The following GABRB2 variants were observed in gnomAD, a reference collection of about 807,000 sequenced individuals.
The protein encoded by GABRB2 is gamma-aminobutyric acid receptor subunit beta-2.
Under a neutral mutation model 54.7 loss-of-function variants are expected in GABRB2, and 16 were observed. The ratio of observed to expected loss-of-function variants is 0.29; its 90% CI spans 0.20 to 0.44. The LOEUF (loss-of-function observed/expected upper bound fraction) is 0.44, where lower values mean the gene tolerates loss of function less well. Among genes scored for constraint, GABRB2 ranks in the 20% least tolerant of loss-of-function variants. The probability of loss-of-function intolerance (pLI) is 1.00; values close to 1 mark genes in which losing one functional copy is unlikely to be tolerated. For missense variants in GABRB2, 355 were observed against 644.0 expected (o/e 0.55, Z 4.86); for synonymous variants, 244 against 233.8 (o/e 1.04, Z -0.40).
intron 8 of GABRB2, 111 bp downstream of exon 8, chr5:161,330,772 T>C: frequency 6.8e-7 from 1 of 1,466,072 alleles, no homozygotes; most frequent in Non-Finnish European, 9.3e-7. Flanking sequence ...AAATTACCCA[T>C]TCTCTTCCCT....
At chr5:161,398,681 TG>T (rs2113070293) in intron 5 of GABRB2, among the ~76,000 whole-genome samples, 1 of 151,792 alleles carries the variant, frequency 6.6e-6, no homozygotes, top group African/African-American at 2.4e-5. Flanking sequence ...TTTTTTTTGT[TG>T]TTGTTGTTTT....
chr5:161,528,767 T>A (rs562072036), intron 3 of GABRB2, among the ~76,000 whole-genome samples: 2 of 152,020 alleles, frequency 1.3e-5, no homozygotes, highest in Admixed American at 1.3e-4. Context: ...TTAATTTTTA[T>A]TAATCCAGTT....
chr5:161,295,768 T>C (rs1347566300), intron 9 of GABRB2, among the ~76,000 whole-genome samples: 2 of 149,098 alleles, frequency 1.3e-5, no homozygotes, highest in Admixed American at 1.3e-4. Flanking sequence ...GACATAATAA[T>C]TGACCAATTA....
intron 5 of GABRB2, among the ~76,000 whole-genome samples, chr5:161,389,765 G>C (rs1459793818): frequency 1.3e-5 from 2 of 151,776 alleles, no homozygotes; most frequent in Non-Finnish European, 2.9e-5. Flanking sequence ...AAACCTCTAG[G>C]ATACATCTCA....
intron 9 of GABRB2, among the ~76,000 whole-genome samples, chr5:161,313,376 G>A (rs908448819): frequency 2.0e-5 from 3 of 151,596 alleles, no homozygotes; most frequent in Non-Finnish European, 2.9e-5. Context: ...TCCCCACTAC[G>A]TTTTTTTCAG....
At chr5:161,327,041 GACACACAC>G (rs150178203) in intron 8 of GABRB2, 42 of 495,776 alleles carry the variant, frequency 8.5e-5, no homozygotes, top group African/African-American at 3.3e-4. Flanking sequence ...ATTCCATTAG[GACACACAC>G]ACACACACAC....
Position 161,326,372 on chromosome 5 carries a change from T to G in GABRB2, c.1187A>C (p.Tyr396Ser). 1 of 1,613,474 alleles carries G rather than the reference T, an allele frequency of 6.2e-7. No individual in the cohort carries two copies. The highest frequency in any genetic ancestry group is 8.5e-7 in the Non-Finnish European group (1 of 1,179,538). The change falls in exon 9 of 10, where the codon TAT becomes TCT. Residue 396 changes from tyrosine (Y) to serine (S), a missense_variant. Physicochemically the swap from Tyr to Ser is moderately radical, Grantham distance 144 (BLOSUM62 -2). Transcript: ENST00000393959. ...RRTTNYDFSL[Y>S]TMDPHENILL... ...ATTAAAAACTGGCTATCTAACCGTATACAGAGAGAAATCGTAATTGGTAGT... is the reference window on the plus strand; with the variant it reads ...ATTAAAAACTGGCTATCTAACCGTAGACAGAGAGAAATCGTAATTGGTAGT...
intron 8 of GABRB2, 83 bp from the exon 9 acceptor site, chr5:161,326,564 A>G: frequency 2.1e-6 from 3 of 1,456,482 alleles, no homozygotes; most frequent in Non-Finnish European, 2.7e-6. Flanking sequence ...AATTGGATAT[A>G]GATAAATGCT....
chr5:161,448,375 A>C (rs1757695188), intron 4 of GABRB2, among the ~76,000 whole-genome samples: 1 of 152,106 alleles, frequency 6.6e-6, no homozygotes, highest in African/African-American at 2.4e-5. Context: ...CTGAACTATG[A>C]GAACACCAGA....
At chr5:161,299,256 C>T (rs1757468080) in intron 9 of GABRB2, among the ~76,000 whole-genome samples, 2 of 152,338 alleles carry the variant, frequency 1.3e-5, no homozygotes, top group Non-Finnish European at 1.5e-5. Flanking sequence ...ACCACTTCCC[C>T]ATTCTCAGTT....
chr5:161,458,720 C>G (rs778282770), intron 4 of GABRB2, among the ~76,000 whole-genome samples: 5 of 152,116 alleles, frequency 3.3e-5, no homozygotes, highest in African/African-American at 4.8e-5. Flanking sequence ...AATAGCAGTT[C>G]CTAATGTATG....
At chr5:161,369,635 G>A (rs191142612) in intron 5 of GABRB2, among the ~76,000 whole-genome samples, 1 of 152,218 alleles carries the variant, frequency 6.6e-6, no homozygotes, top group Non-Finnish European at 1.5e-5. Flanking sequence ...GAGAAAGAGA[G>A]AGAGAGATGC....
rs780996368 is a variant in GABRB2 at position 161,546,342 on chromosome 5, C to G, written c.149G>C (p.Arg50Pro). 1 of 1,614,130 alleles carries G rather than the reference C, an allele frequency of 6.2e-7. No homozygotes were observed. The highest frequency in any genetic ancestry group is 8.5e-7 in the Non-Finnish European group (1 of 1,179,994). Residue 50 changes from arginine (R) to proline (P), a missense_variant, in exon 2 of 10, where the codon CGT becomes CCT. Arg to Pro is a moderately radical substitution (Grantham distance 103). Transcript: ENST00000393959. ...ATTACCTCCAAAATCTGGTCTCAGA[C>G]GAATGTCATAGCCTTTCAGGAGTCT... Reference protein sequence around the residue: ...VDRLLKGYDIRLRPDFGGPPV... With the variant: ...VDRLLKGYDIPLRPDFGGPPV...
At chr5:161,332,165 C>CAAAAAA (rs5872708) in intron 7 of GABRB2, among the ~76,000 whole-genome samples, 27 of 69,300 alleles carry the variant, frequency 3.9e-4, no homozygotes, top group South Asian at 6.1e-4. Flanking sequence ...GACTCCGTCT[C>CAAAAAA]AAAAAAAAAA....
chr5:161,463,554 T>TA (rs1491386641), intron 3 of GABRB2, among the ~76,000 whole-genome samples: 2,916 of 21,444 alleles, frequency 0.14, 134 homozygotes, highest in Non-Finnish European at 0.16. Context: ...AATATTTTTA[T>TA]TTATATATAT....
intron 9 of GABRB2, among the ~76,000 whole-genome samples, chr5:161,299,766 C>A (rs1757483521): frequency 6.6e-6 from 1 of 152,094 alleles, no homozygotes; most frequent in African/African-American, 2.4e-5. Flanking sequence ...CTAACAGATT[C>A]ATCTCATTTA....
intron 9 of GABRB2, among the ~76,000 whole-genome samples, chr5:161,309,348 C>CA (rs1170517164): frequency 6.6e-6 from 1 of 151,966 alleles, no homozygotes; most frequent in South Asian, 2.1e-4. Flanking sequence ...ATTAAAAAGT[C>CA]AAAAAACAAC....
chr5:161,434,429 A>T (rs1018416249), intron 4 of GABRB2, among the ~76,000 whole-genome samples: 1 of 152,198 alleles, frequency 6.6e-6, no homozygotes, highest in Non-Finnish European at 1.5e-5. Flanking sequence ...GCTCTTAAAA[A>T]TTACTAACAA....
intron 3 of GABRB2, among the ~76,000 whole-genome samples, chr5:161,541,330 C>G (rs12186537): frequency 6.6e-6 from 1 of 152,174 alleles, no homozygotes; most frequent in African/African-American, 2.4e-5. Context: ...GGATTTGAGA[C>G]AGCATTCACT....
Sources: allele counts gnomAD v4.1 joint callset (sites outside exome capture counted in the v4.1 genomes callset), GRCh38; gene constraint gnomAD v4.1.1; transcripts MANE v1.5; gene names NCBI Gene and HGNC (gene_info 2026-07-23, HGNC 2026-07-21).